The following ATE1 variants were observed in gnomAD, a reference collection of about 807,000 sequenced individuals.
ATE1 encodes arginyltransferase 1.
ATE1 carries 36 observed loss-of-function variants against 70.5 expected under a neutral mutation model. That is an observed-to-expected ratio of 0.51 (90% CI 0.39 to 0.67). The LOEUF is 0.67. ATE1 is among the 30% of genes least tolerant of loss of function. The probability of loss-of-function intolerance (pLI) is 0.00; values close to 1 mark genes in which losing one functional copy is unlikely to be tolerated. For missense variants in ATE1, 593 were observed against 629.5 expected (o/e 0.94, Z 0.62); for synonymous variants, 232 against 219.3 (o/e 1.06, Z -0.51).
intron 5 of ATE1, 33 bp from the exon 6 acceptor site, chr10:121,902,653 C>T: frequency 6.5e-7 from 1 of 1,545,962 alleles, no homozygotes; most frequent in Non-Finnish European, 8.7e-7. Flanking sequence ...AGACCAATCA[C>T]ATTTGGTTCT....
At chr10:121,792,097 G>C (rs916769845) in intron 10 of ATE1, among the ~76,000 whole-genome samples, 6 of 143,774 alleles carry the variant, frequency 4.2e-5, no homozygotes, top group Non-Finnish European at 7.6e-5. Flanking sequence ...GCTGGGAGAG[G>C]GTTCAAGGAG....
At chr10:121,757,689 T>G (rs1944864826) in intron 11 of ATE1, among the ~76,000 whole-genome samples, 1 of 152,190 alleles carries the variant, frequency 6.6e-6, no homozygotes, top group Non-Finnish European at 1.5e-5. Flanking sequence ...CCATTCACTA[T>G]CACAAAAACA....
chr10:121,757,556 G>A (rs1342484598), intron 11 of ATE1, among the ~76,000 whole-genome samples: 1 of 152,144 alleles, frequency 6.6e-6, no homozygotes, highest in African/African-American at 2.4e-5. Flanking sequence ...CACATGACTG[G>A]GGAAGCCTCA....
At chr10:121,847,379 C>T (rs1018890916) in intron 8 of ATE1, among the ~76,000 whole-genome samples, 5 of 151,964 alleles carry the variant, frequency 3.3e-5, no homozygotes, top group Admixed American at 6.6e-5. Flanking sequence ...ACCCGGGAGG[C>T]GGAGGTTGCA....
intron 11 of ATE1, among the ~76,000 whole-genome samples, chr10:121,771,705 G>A (rs1394680901): frequency 1.3e-5 from 2 of 152,064 alleles, no homozygotes; most frequent in Non-Finnish European, 2.9e-5. Context: ...TAACTCTTAG[G>A]TCCTTTTTAA....
intron 7 of ATE1, among the ~76,000 whole-genome samples, chr10:121,876,455 AATC>A (rs1472568815): frequency 6.6e-6 from 1 of 152,216 alleles, no homozygotes; most frequent in Non-Finnish European, 1.5e-5. Context: ...TCACTATAAT[AATC>A]ATCATATATT....
intron 7 of ATE1, among the ~76,000 whole-genome samples, chr10:121,882,886 G>A (rs183071517): frequency 1.6e-4 from 25 of 152,188 alleles, no homozygotes; most frequent in African/African-American, 6.0e-4. Flanking sequence ...CAAATTAATT[G>A]TAATAATTAT....
intron 9 of ATE1, among the ~76,000 whole-genome samples, chr10:121,840,425 G>A (rs768169475): frequency 2.6e-5 from 4 of 152,126 alleles, no homozygotes; most frequent in Non-Finnish European, 4.4e-5. Context: ...TTGAGCCCAG[G>A]AGTTCGAGAC....
intron 11 of ATE1, among the ~76,000 whole-genome samples, chr10:121,744,272 TTAAGA>T (rs889732775): frequency 1.3e-5 from 2 of 152,100 alleles, no homozygotes; most frequent in African/African-American, 4.8e-5. Flanking sequence ...AAATTATGTA[TTAAGA>T]TATCTTTGAT....
intron 5 of ATE1, among the ~76,000 whole-genome samples, chr10:121,906,548 T>A (rs1454816514): frequency 6.8e-6 from 1 of 147,410 alleles, no homozygotes; most frequent in African/African-American, 2.5e-5. Flanking sequence ...TAAAATAAAA[T>A]AAAAAGGAAA....
At chr10:121,878,364 G>T (rs549480792) in intron 7 of ATE1, among the ~76,000 whole-genome samples, 2 of 152,026 alleles carry the variant, frequency 1.3e-5, no homozygotes, top group Non-Finnish European at 2.9e-5. Flanking sequence ...AGGCTGAGGC[G>T]GGTAGACTGC....
chr10:121,811,949 T>TTC (rs374608045), intron 10 of ATE1, among the ~76,000 whole-genome samples: 55 of 139,290 alleles, frequency 3.9e-4, no homozygotes, highest in African/African-American at 1.3e-3. Context: ...TTATTCCAAA[T>TTC]TCTTTTTTTT....
chr10:121,754,564 A>T (rs1944717481), intron 11 of ATE1, among the ~76,000 whole-genome samples: 1 of 152,136 alleles, frequency 6.6e-6, no homozygotes, highest in Non-Finnish European at 1.5e-5. Flanking sequence ...GCTTTTCCTT[A>T]TTGTAGAATG....
At chr10:121,906,893 C>T (rs992685151) in intron 5 of ATE1, among the ~76,000 whole-genome samples, 5 of 151,988 alleles carry the variant, frequency 3.3e-5, no homozygotes, top group African/African-American at 1.2e-4. Flanking sequence ...CCACTGAGCC[C>T]GGCCAAAATC....
chr10:121,772,637 G>A (rs1945569740), intron 11 of ATE1, among the ~76,000 whole-genome samples: 1 of 152,182 alleles, frequency 6.6e-6, no homozygotes, highest in South Asian at 2.1e-4. Context: ...GTCACGTCAT[G>A]CTCCATACCC....
chr10:121,749,498 G>A (rs1944497489), intron 11 of ATE1, among the ~76,000 whole-genome samples: 1 of 151,958 alleles, frequency 6.6e-6, no homozygotes, highest in African/African-American at 2.4e-5. Flanking sequence ...AGATCAACAA[G>A]ACATACAGTG....
intron 11 of ATE1, among the ~76,000 whole-genome samples, chr10:121,748,184 T>C (rs2936878): frequency 0.22 from 33,053 of 152,164 alleles, 4,739 homozygotes; most frequent in Non-Finnish European, 0.32. Context: ...GGGACAGATA[T>C]ACTTTAAGAC....
At chr10:121,849,257 T>C (rs1948964968) in intron 8 of ATE1, among the ~76,000 whole-genome samples, 1 of 152,070 alleles carries the variant, frequency 6.6e-6, no homozygotes, top group African/African-American at 2.4e-5. Context: ...AAGCACATTA[T>C]TAAATAAACA....
At chr10:121,765,953 C>T (rs1412562029) in intron 11 of ATE1, among the ~76,000 whole-genome samples, 1 of 152,134 alleles carries the variant, frequency 6.6e-6, no homozygotes, top group Non-Finnish European at 1.5e-5. Context: ...CCTTAAATAT[C>T]AATTTCAGAA....
Sources: gnomAD v4.1 joint callset for allele counts (sites outside exome capture counted in the v4.1 genomes callset) on GRCh38, gnomAD v4.1.1 for gene constraint, MANE v1.5 for transcripts, NCBI Gene and HGNC (gene_info 2026-07-23, HGNC 2026-07-21) for gene names.